The following GINS1 variants were observed in gnomAD, a reference collection of about 807,000 sequenced individuals.
GINS1 encodes the protein DNA replication complex GINS protein PSF1.
GINS1 carries 26 observed loss-of-function variants against 34.9 expected under a neutral mutation model. That is an observed-to-expected ratio of 0.74 (90% CI 0.55 to 1.03). The LOEUF is 1.03. Among genes scored for constraint, GINS1 ranks in the 50% least tolerant of loss-of-function variants. The pLI is 0.00. For synonymous variants in GINS1, 97 were observed against 84.4 expected (o/e 1.15, Z -0.82); for missense variants, 235 against 237.9 (o/e 0.99, Z 0.08).
intron 5 of GINS1, among the ~76,000 whole-genome samples, chr20:25,428,967 CTCTTTTT>C (rs2090409984): frequency 6.1e-5 from 7 of 114,156 alleles, no homozygotes; most frequent in African/African-American, 2.3e-4. Context: ...TCATTCCTCT[CTCTTTTT>C]TTTTTTTTTT....
At chr20:25,427,204 C>T (rs1333557912) in intron 5 of GINS1, among the ~76,000 whole-genome samples, 1 of 152,090 alleles carries the variant, frequency 6.6e-6, no homozygotes, top group Non-Finnish European at 1.5e-5. Context: ...TTGCTCTTGT[C>T]ACCCAGGCTG....
At chr20:25,414,382 A>G (rs2090307270) in intron 2 of GINS1, among the ~76,000 whole-genome samples, 1 of 152,084 alleles carries the variant, frequency 6.6e-6, no homozygotes, top group African/African-American at 2.4e-5. Flanking sequence ...AAGGAATTAG[A>G]GTGGACCTAA....
At chr20:25,413,584 G>GT in intron 1 of GINS1, 1 of 552,982 alleles carries the variant, frequency 1.8e-6, no homozygotes, top group East Asian at 3.0e-5. Context: ...GGGCTATACC[G>GT]TTTTACATTC....
At chr20:25,427,350 A>C (rs2090397379) in intron 5 of GINS1, among the ~76,000 whole-genome samples, 2 of 151,876 alleles carry the variant, frequency 1.3e-5, no homozygotes, top group African/African-American at 4.8e-5. Flanking sequence ...GGTGCCCACC[A>C]CCACACCTGG....
chr20:25,413,978 T>C, intron 2 of GINS1, 124 bp downstream of exon 2: 2 of 603,036 alleles, frequency 3.3e-6, no homozygotes, highest in Non-Finnish European at 6.1e-6. Context: ...GATTACGAGG[T>C]CAGGAGTTTG....
intron 5 of GINS1, among the ~76,000 whole-genome samples, chr20:25,431,133 C>G (rs1233631382): frequency 6.6e-6 from 1 of 152,000 alleles, no homozygotes; most frequent in Non-Finnish European, 1.5e-5. Flanking sequence ...ATCATTCAGT[C>G]TTTGTAGGTT....
chr20:25,439,137 G>A (rs1443348725), intron 5 of GINS1, among the ~76,000 whole-genome samples: 1 of 152,156 alleles, frequency 6.6e-6, no homozygotes, highest in Non-Finnish European at 1.5e-5. Context: ...AGTAGATAAT[G>A]GAGATCTTTA....
chr20:25,439,056 C>T (rs1032864302), intron 5 of GINS1, among the ~76,000 whole-genome samples: 5 of 152,082 alleles, frequency 3.3e-5, no homozygotes, highest in African/African-American at 1.2e-4. Context: ...AGAAGAATTC[C>T]AGCTAACAAA....
At chr20:25,407,934 T>C (rs1169601455) in intron 1 of GINS1, 39 bp downstream of exon 1, 2 of 1,477,516 alleles carry the variant, frequency 1.4e-6, no homozygotes, top group African/African-American at 2.8e-5. Flanking sequence ...ATGCCGGCGT[T>C]GGGCCCTGGG....
Position 25,424,013 on chromosome 20 carries a change from ATT to A in GINS1, c.331-1195_331-1194del, listed in dbSNP as rs536136947. Among the ~76,000 whole-genome samples the A allele has an allele frequency of 1.8e-3, 270 of 152,286 alleles. 2 individuals carry two copies. The highest frequency in any genetic ancestry group is 6.2e-3 in the African/African-American group (259 of 41,564). On this transcript the variant is annotated intron_variant, in intron 4 of 6. Transcript: ENST00000262460. Reference sequence around the variant, plus strand: ...GTGTATACTACAGGAGGCATGCTTCATTTTGAATATAGATATTGAGATGACCC... The same window carrying A: ...GTGTATACTACAGGAGGCATGCTTCATTGAATATAGATATTGAGATGACCC...
chr20:25,428,969 CTTTTTTTTTTTTTTTTTT>C (rs77113924), intron 5 of GINS1, among the ~76,000 whole-genome samples: 2,154 of 127,286 alleles, frequency 0.017, 44 homozygotes, highest in African/African-American at 0.058. Flanking sequence ...ATTCCTCTCT[CTTTTTTTTTTTTTTTTTT>C]TTTTTTTTTT....
At chr20:25,436,874 G>T (rs2090457310) in intron 5 of GINS1, among the ~76,000 whole-genome samples, 1 of 152,008 alleles carries the variant, frequency 6.6e-6, no homozygotes, top group Non-Finnish European at 1.5e-5. Flanking sequence ...CTTGTGATTT[G>T]ATTGTTTTTG....
At chr20:25,441,164 T>C (rs957839069) in intron 5 of GINS1, among the ~76,000 whole-genome samples, 1 of 152,310 alleles carries the variant, frequency 6.6e-6, no homozygotes, top group Admixed American at 6.5e-5. Context: ...CAGAGGTAGA[T>C]ATCAGAATGC....
intron 3 of GINS1, 103 bp downstream of exon 3, chr20:25,417,305 GT>G (rs1209221712): frequency 1.5e-6 from 1 of 656,384 alleles, no homozygotes; most frequent in Non-Finnish European, 2.7e-6. Context: ...CTCTCTCTTT[GT>G]AAGCATTCTA....
intron 5 of GINS1, among the ~76,000 whole-genome samples, chr20:25,434,195 A>G (rs2090441703): frequency 6.6e-6 from 1 of 152,026 alleles, no homozygotes; most frequent in African/African-American, 2.4e-5. Context: ...GAGGCAGGAG[A>G]ATCACTTGAA....
intron 6 of GINS1, chr20:25,443,235 A>G (rs1170978964): frequency 4.6e-5 from 7 of 152,190 alleles, no homozygotes; most frequent in African/African-American, 9.7e-5. Context: ...GAATATTTTT[A>G]AAAAAGATTT....
chr20:25,409,383 G>A (rs1600914212), intron 1 of GINS1, among the ~76,000 whole-genome samples: 1 of 152,348 alleles, frequency 6.6e-6, no homozygotes. Flanking sequence ...TCTGAACTGT[G>A]TCAGGTCAGT....
intron 1 of GINS1, among the ~76,000 whole-genome samples, chr20:25,412,669 T>A (rs2090293686): frequency 6.6e-6 from 1 of 152,252 alleles, no homozygotes; most frequent in Non-Finnish European, 1.5e-5. Flanking sequence ...ATGTATAATT[T>A]ACATACAACA....
intron 5 of GINS1, among the ~76,000 whole-genome samples, chr20:25,430,245 G>C (rs1261933649): frequency 6.6e-6 from 1 of 152,162 alleles, no homozygotes; most frequent in Non-Finnish European, 1.5e-5. Flanking sequence ...TATGATGTTT[G>C]CTGTAGAGTT....
Sources: gnomAD v4.1 joint callset for allele counts (sites outside exome capture counted in the v4.1 genomes callset) on GRCh38, gnomAD v4.1.1 for gene constraint, MANE v1.5 for transcripts, NCBI Gene and HGNC (gene_info 2026-07-23, HGNC 2026-07-21) for gene names.